Variants in GALNTL6 observed in about 807,000 individuals in gnomAD.
The protein encoded by GALNTL6 is polypeptide N-acetylgalactosaminyltransferase like 6.
Under a neutral mutation model 73.7 loss-of-function variants are expected in GALNTL6, and 46 were observed. That is an observed-to-expected ratio of 0.62 (90% CI 0.49 to 0.80). The LOEUF (loss-of-function observed/expected upper bound fraction) is 0.80, where lower values mean the gene tolerates loss of function less well. Ranked by LOEUF, GALNTL6 falls within the 30% of genes least tolerant of loss-of-function variation. The probability of loss-of-function intolerance (pLI) is 0.00; values close to 1 mark genes in which losing one functional copy is unlikely to be tolerated. For missense variants in GALNTL6, 604 were observed against 755.0 expected (o/e 0.80, Z 2.34); for synonymous variants, 259 against 263.7 (o/e 0.98, Z 0.17).
chr4:172,264,772 A>T (rs1420344310), intron 3 of GALNTL6, among the ~76,000 whole-genome samples: 1 of 150,426 alleles, frequency 6.6e-6, no homozygotes, highest in East Asian at 1.9e-4. Context: ...CAGTAATTAT[A>T]ATAATAGAAA....
chr4:172,904,163 A>C (rs1430863107), intron 8 of GALNTL6, among the ~76,000 whole-genome samples: 1 of 152,268 alleles, frequency 6.6e-6, no homozygotes, highest in Non-Finnish European at 1.5e-5. Context: ...CATTTTGGGA[A>C]GAAATGCACT....
chr4:171,942,269 T>TAA (rs1423565851), intron 2 of GALNTL6, among the ~76,000 whole-genome samples: 2,870 of 144,192 alleles, frequency 0.02, 66 homozygotes, highest in African/African-American at 0.048. Context: ...TAAATAAATA[T>TAA]AATATACAGA....
chr4:172,887,536 T>TTTTA (rs56097389), intron 8 of GALNTL6, among the ~76,000 whole-genome samples: 46,155 of 143,088 alleles, frequency 0.32, 7,722 homozygotes, highest in East Asian at 0.42. Context: ...TATTTTAACC[T>TTTTA]TTTATTTATT....
chr4:171,998,720 G>T (rs989126192), intron 2 of GALNTL6, among the ~76,000 whole-genome samples: 1 of 152,124 alleles, frequency 6.6e-6, no homozygotes, highest in Non-Finnish European at 1.5e-5. Context: ...CTGCTAAAAC[G>T]CTTTTAACCA....
chr4:172,504,179 A>AAAAAAAAAAAAC (rs60168973), intron 5 of GALNTL6, among the ~76,000 whole-genome samples: 1 of 44,440 alleles, frequency 2.3e-5, no homozygotes, highest in African/African-American at 5.6e-5. Flanking sequence ...AAAAAAAAAA[A>AAAAAAAAAAAAC]CTCACACCTT....
At chr4:171,845,778 GA>G (rs528629054) in intron 2 of GALNTL6, among the ~76,000 whole-genome samples, 1 of 151,694 alleles carries the variant, frequency 6.6e-6, no homozygotes, top group Non-Finnish European at 1.5e-5. Context: ...TGTTAATAAG[GA>G]AAAAAAATCA....
At chr4:172,087,056 G>A (rs553929123) in intron 2 of GALNTL6, among the ~76,000 whole-genome samples, 6 of 152,222 alleles carry the variant, frequency 3.9e-5, no homozygotes, top group African/African-American at 1.4e-4. Context: ...AAGTATTCAA[G>A]GTTATTCATT....
At chr4:172,802,639 T>C (rs1241249011) in intron 5 of GALNTL6, among the ~76,000 whole-genome samples, 1 of 151,782 alleles carries the variant, frequency 6.6e-6, no homozygotes, top group Non-Finnish European at 1.5e-5. Flanking sequence ...CTACTAAAAA[T>C]AAAATAAAAT....
intron 2 of GALNTL6, among the ~76,000 whole-genome samples, chr4:172,171,633 A>C (rs1734830262): frequency 6.6e-6 from 1 of 151,282 alleles, no homozygotes; most frequent in Non-Finnish European, 1.5e-5. Context: ...GTTCGAGAGC[A>C]GCCCAGGCAA....
chr4:171,931,444 C>G (rs971469940), intron 2 of GALNTL6, among the ~76,000 whole-genome samples: 1 of 152,166 alleles, frequency 6.6e-6, no homozygotes. Flanking sequence ...TTCTTGTTGA[C>G]AGTTCTACTG....
intron 5 of GALNTL6, among the ~76,000 whole-genome samples, chr4:172,804,066 C>T (rs547789639): frequency 6.6e-6 from 1 of 152,232 alleles, no homozygotes; most frequent in African/African-American, 2.4e-5. Context: ...TCTTTATAGG[C>T]CTGCTAAGTA....
chr4:172,193,601 G>A (rs533995422), intron 2 of GALNTL6, among the ~76,000 whole-genome samples: 1 of 152,198 alleles, frequency 6.6e-6, no homozygotes, highest in Non-Finnish European at 1.5e-5. Flanking sequence ...GGTGGCTCAT[G>A]CCTGTAATCC....
chr4:172,478,300 C>T (rs1405334916), intron 5 of GALNTL6, among the ~76,000 whole-genome samples: 1 of 152,230 alleles, frequency 6.6e-6, no homozygotes, highest in African/African-American at 2.4e-5. Flanking sequence ...AGCATGGACT[C>T]GTGTAAAAGT....
chr4:172,797,410 A>T (rs1740335706), intron 5 of GALNTL6, among the ~76,000 whole-genome samples: 1 of 151,716 alleles, frequency 6.6e-6, no homozygotes, highest in African/African-American at 2.4e-5. Context: ...ACGCCCGGCT[A>T]ATTTTTTGTA....
intron 10 of GALNTL6, among the ~76,000 whole-genome samples, chr4:172,952,928 CT>C (rs1382045149): frequency 1.6e-4 from 24 of 152,312 alleles, no homozygotes; most frequent in Middle Eastern, 3.4e-3. Flanking sequence ...ATATGGGCAC[CT>C]GATATACGTG....
At chr4:172,489,056 C>T (rs10019004) in intron 5 of GALNTL6, among the ~76,000 whole-genome samples, 7,153 of 152,218 alleles carry the variant, frequency 0.047, 532 homozygotes, top group African/African-American at 0.16. Flanking sequence ...TTTGCCAGTT[C>T]GCATTTATAC....
At chr4:172,198,516 A>G (rs1229331240) in intron 2 of GALNTL6, among the ~76,000 whole-genome samples, 1 of 152,190 alleles carries the variant, frequency 6.6e-6, no homozygotes, top group Non-Finnish European at 1.5e-5. Flanking sequence ...AAAGCTCAAG[A>G]TCCCTGATGA....
chr4:172,383,588 T>C (rs1743363132), intron 5 of GALNTL6, among the ~76,000 whole-genome samples: 1 of 152,154 alleles, frequency 6.6e-6, no homozygotes, highest in African/African-American at 2.4e-5. Context: ...TTACTTCCTT[T>C]GCTTGCATAA....
chr4:172,817,050 G>A, intron 7 of GALNTL6, among the ~76,000 whole-genome samples: 1 of 150,498 alleles, frequency 6.6e-6, no homozygotes, highest in East Asian at 2.0e-4. Flanking sequence ...AGAGGTTGCA[G>A]TGAGCAGAGA....
Sources: gnomAD v4.1 joint callset for allele counts (sites outside exome capture counted in the v4.1 genomes callset) on GRCh38, gnomAD v4.1.1 for gene constraint, MANE v1.5 for transcripts, NCBI Gene and HGNC (gene_info 2026-07-23, HGNC 2026-07-21) for gene names.